Variants in MCM9 observed in about 807,000 individuals in gnomAD.
MCM9 encodes the protein minichromosome maintenance 9 homologous recombination repair factor.
MCM9 carries 55 observed loss-of-function variants against 72.8 expected under a neutral mutation model. The ratio of observed to expected loss-of-function variants is 0.76; its 90% CI spans 0.61 to 0.95. The LOEUF is 0.95. Ranked by LOEUF, MCM9 falls within the 40% of genes least tolerant of loss-of-function variation. The probability of loss-of-function intolerance (pLI) is 0.00; values close to 1 mark genes in which losing one functional copy is unlikely to be tolerated. For synonymous variants in MCM9, 480 were observed against 503.4 expected (o/e 0.95, Z 0.62); for missense variants, 1,279 against 1,377.0 (o/e 0.93, Z 1.13).
At chr6:118,934,103 C>G (rs576092996) in intron 1 of MCM9, among the ~76,000 whole-genome samples, 69 of 152,218 alleles carry the variant, frequency 4.5e-4, no homozygotes, top group African/African-American at 1.6e-3. Flanking sequence ...AAAAGGGCAG[C>G]AGCAGAATTC....
chr6:118,901,965 T>C (rs1183685998), intron 8 of MCM9, among the ~76,000 whole-genome samples: 1 of 152,182 alleles, frequency 6.6e-6, no homozygotes, highest in Non-Finnish European at 1.5e-5. Flanking sequence ...GCTGCTACCT[T>C]TCCCTCCCCT....
chr6:118,867,183 G>C (rs1583476724), intron 8 of MCM9, among the ~76,000 whole-genome samples: 1 of 152,110 alleles, frequency 6.6e-6, no homozygotes, highest in Admixed American at 6.5e-5. Flanking sequence ...ACGCTAAAGG[G>C]AGTTTTTCAT....
chr6:118,885,025 T>C (rs982702529), intron 8 of MCM9, among the ~76,000 whole-genome samples: 9 of 151,968 alleles, frequency 5.9e-5, no homozygotes, highest in Non-Finnish European at 1.3e-4. Context: ...TGAAACCCCA[T>C]CTCTACTAAA....
At chr6:118,844,117 C>G (rs1244327981) in intron 9 of MCM9, among the ~76,000 whole-genome samples, 1 of 151,778 alleles carries the variant, frequency 6.6e-6, no homozygotes, top group African/African-American at 2.4e-5. Context: ...CCTTTGCACA[C>G]TTAACCCTCT....
chr6:118,927,477 T>C (rs1335814450), intron 3 of MCM9, among the ~76,000 whole-genome samples: 2 of 151,988 alleles, frequency 1.3e-5, no homozygotes, highest in African/African-American at 4.8e-5. Flanking sequence ...TGGTGGTGCA[T>C]GCCTGTAATC....
intron 8 of MCM9, chr6:118,900,669 G>C: frequency 2.4e-6 from 2 of 848,758 alleles, no homozygotes; most frequent in Non-Finnish European, 4.0e-6. Flanking sequence ...CAATTTTAAA[G>C]CCAGTAAGTG....
In MCM9 at chr6:118,858,462, A is replaced by AT. The variant is rs537014328; in HGVS notation, c.1151-1918dup. On this transcript the variant is annotated intron_variant, in intron 8 of 13. Coordinates refer to ENST00000619706, the MANE Select transcript of MCM9 (RefSeq NM_017696.3). The stretch of plus-strand genomic sequence containing the variant: ...CCTACAAAGATCAGAAAAAAGCAAG[A>AT]TTTTTTTCTTATCACTGTTAATCAA... Among the ~76,000 whole-genome samples the AT allele has an allele frequency of 2.2e-4, 33 of 152,226 alleles. No homozygotes were observed. In the East Asian group the frequency reaches 3.3e-3, roughly 15 times the overall value.
intron 9 of MCM9, among the ~76,000 whole-genome samples, chr6:118,836,643 A>G (rs1774979878): frequency 6.6e-6 from 1 of 152,130 alleles, no homozygotes; most frequent in Non-Finnish European, 1.5e-5. Flanking sequence ...AGAAGTATTT[A>G]TAGTATTCTC....
At chr6:118,877,342 C>T (rs145863634) in intron 8 of MCM9, among the ~76,000 whole-genome samples, 1 of 152,188 alleles carries the variant, frequency 6.6e-6, no homozygotes, top group Non-Finnish European at 1.5e-5. Context: ...ATAACCTAGC[C>T]AAGACCACTA....
At chr6:118,927,548 T>C (rs943349481) in intron 3 of MCM9, among the ~76,000 whole-genome samples, 3 of 151,268 alleles carry the variant, frequency 2.0e-5, no homozygotes. Context: ...GAGGTTGCAG[T>C]GAGCCGAGAT....
At chr6:118,840,737 C>G (rs750570920) in intron 9 of MCM9, among the ~76,000 whole-genome samples, 9 of 104,152 alleles carry the variant, frequency 8.6e-5, no homozygotes, top group African/African-American at 2.2e-4. Context: ...TCTCCTCCCC[C>G]CCCCCTTTTT....
chr6:118,834,162 C>T (rs1774787737), intron 9 of MCM9, among the ~76,000 whole-genome samples: 1 of 152,160 alleles, frequency 6.6e-6, no homozygotes, highest in South Asian at 2.1e-4. Flanking sequence ...CGGTTTCCAG[C>T]TTCACTCATG....
intron 8 of MCM9, among the ~76,000 whole-genome samples, chr6:118,868,034 G>A (rs1331775615): frequency 6.6e-6 from 1 of 151,752 alleles, no homozygotes; most frequent in Admixed American, 6.6e-5. Flanking sequence ...GTGCCACCAC[G>A]TCTGGCTAAT....
chr6:118,917,579 T>C lies in MCM9; in HGVS notation c.886A>G (p.Lys296Glu). The change falls in exon 6 of 14, where the codon AAG (lysine) becomes GAG (glutamate). Residue 296 changes from lysine (K) to glutamate (E), a missense_variant. Transcript: ENST00000619706. Reference protein sequence around the residue: ...KEFEDFWEYYKSDPFAGRNVI... With the variant: ...KEFEDFWEYYESDPFAGRNVI... ...CACAAACCTGCAAAGGGATCGCTCT[T>C]ATAGTATTCCCAAAAATCTTCGAAT... The C allele has an allele frequency of 6.2e-7, 1 of 1,614,164 alleles. No homozygotes were observed. The highest frequency in any genetic ancestry group is 8.5e-7 in the Non-Finnish European group (1 of 1,180,016).
In MCM9 at chr6:118,913,439, T is replaced by C; in HGVS notation, c.905-19A>G. ...TTCCTTCCTAGGAAAAGCAGAAAGA[T>C]CAGAAATCAGCAATAATTTTCAAGA... On this transcript the variant is annotated intron_variant, in intron 6 of 13. Transcript: ENST00000619706. The C allele has an allele frequency of 6.2e-7, 1 of 1,611,730 alleles. No homozygotes were observed. The highest frequency in any genetic ancestry group is 1.1e-5 in the South Asian group (1 of 90,510).
At chr6:118,917,340 ATAGT>A (rs988394699) in intron 6 of MCM9, among the ~76,000 whole-genome samples, 5 of 152,222 alleles carry the variant, frequency 3.3e-5, no homozygotes, top group Admixed American at 2.6e-4. Flanking sequence ...GTTTAAAATA[ATAGT>A]TAGAAATGAA....
chr6:118,829,800 G>A (rs1774408248), intron 9 of MCM9, among the ~76,000 whole-genome samples: 1 of 152,206 alleles, frequency 6.6e-6, no homozygotes, highest in South Asian at 2.1e-4. Context: ...GGAGAATAGT[G>A]AGTGGTTGAG....
In MCM9 at chr6:118,816,314, A is replaced by G; in HGVS notation, c.1962-20T>C. On this transcript the variant is annotated intron_variant, in intron 13 of 13. Coordinates refer to ENST00000619706, the MANE Select transcript of MCM9 (RefSeq NM_017696.3). Reference sequence around the variant, plus strand: ...TGTAACCTGTAGCAAAGACAAATAAATAAAACATGTCTTGAAGGGAAGAGA... The same window carrying G: ...TGTAACCTGTAGCAAAGACAAATAAGTAAAACATGTCTTGAAGGGAAGAGA... The G allele has an allele frequency of 6.7e-7, 1 of 1,485,740 alleles. No homozygotes were observed. Among genetic ancestry groups the G allele is most frequent in the African/African-American group, 1.4e-5 (1 of 71,046 alleles). The allele number at this position is 1,485,740 out of a possible 1,614,324, so 92.0% of individuals were successfully genotyped here. A position where few individuals can be genotyped will look rare whatever the true frequency, so the allele number is the denominator to read the frequency against.
intron 9 of MCM9, among the ~76,000 whole-genome samples, chr6:118,851,356 G>T (rs1440079492): frequency 6.6e-6 from 1 of 151,580 alleles, no homozygotes; most frequent in Non-Finnish European, 1.5e-5. Context: ...TCACTAAATT[G>T]ATCAAGAAAA....
Sources: gnomAD v4.1 joint callset for allele counts (sites outside exome capture counted in the v4.1 genomes callset) on GRCh38, gnomAD v4.1.1 for gene constraint, MANE v1.5 for transcripts, NCBI Gene and HGNC (gene_info 2026-07-23, HGNC 2026-07-21) for gene names.